Variants in TMEM132D observed in about 807,000 individuals in gnomAD.
TMEM132D encodes mature OL transmembrane protein.
Under a neutral mutation model 62.3 loss-of-function variants are expected in TMEM132D, and 21 were observed. That is an observed-to-expected ratio of 0.34 (90% CI 0.24 to 0.49). TMEM132D has a LOEUF of 0.49. Ranked by LOEUF, TMEM132D falls within the 20% of genes least tolerant of loss-of-function variation. The pLI is 0.99. For synonymous variants in TMEM132D, 621 were observed against 575.6 expected (o/e 1.08, Z -1.13); for missense variants, 1,346 against 1,402.8 (o/e 0.96, Z 0.65).
chr12:129,096,474 T>C (rs980406426), intron 5 of TMEM132D, among the ~76,000 whole-genome samples: 1 of 152,176 alleles, frequency 6.6e-6, no homozygotes, highest in Admixed American at 6.5e-5. Context: ...GAGCAAAGAC[T>C]GGGTGTTCAG....
At chr12:129,714,823 C>A (rs891289803) in intron 1 of TMEM132D, among the ~76,000 whole-genome samples, 1 of 152,208 alleles carries the variant, frequency 6.6e-6, no homozygotes, top group Non-Finnish European at 1.5e-5. Context: ...CGGAAGCCCA[C>A]AGGCCTGCCC....
intron 3 of TMEM132D, among the ~76,000 whole-genome samples, chr12:129,384,574 G>A (rs771335918): frequency 1.3e-5 from 2 of 151,522 alleles, no homozygotes; most frequent in Non-Finnish European, 2.9e-5. Context: ...CTTTAACCAC[G>A]TTCGCATTAT....
intron 3 of TMEM132D, among the ~76,000 whole-genome samples, chr12:129,428,461 T>C (rs1872559798): frequency 6.6e-6 from 1 of 152,240 alleles, no homozygotes; most frequent in African/African-American, 2.4e-5. Flanking sequence ...TTGTGTCTAA[T>C]GTGACACATG....
chr12:129,286,481 TA>T (rs1881299490), intron 4 of TMEM132D, among the ~76,000 whole-genome samples: 1 of 152,166 alleles, frequency 6.6e-6, no homozygotes, highest in African/African-American at 2.4e-5. Flanking sequence ...GAGCACAGTA[TA>T]TGGCTAAATA....
At chr12:129,412,076 A>G (rs1269862915) in intron 3 of TMEM132D, among the ~76,000 whole-genome samples, 1 of 152,210 alleles carries the variant, frequency 6.6e-6, no homozygotes, top group Non-Finnish European at 1.5e-5. Context: ...TGTTAGAACA[A>G]TTAGCCAAGA....
intron 3 of TMEM132D, among the ~76,000 whole-genome samples, chr12:129,497,509 C>T (rs1484926863): frequency 6.6e-6 from 1 of 152,078 alleles, no homozygotes; most frequent in Non-Finnish European, 1.5e-5. Flanking sequence ...CCAGGCACAG[C>T]CATATGGCTG....
Position 129,867,738 on chromosome 12 carries a change from A to T in TMEM132D, c.79+35523T>A, listed in dbSNP as rs557618858. Among the ~76,000 whole-genome samples, 3 of 152,342 alleles carry T rather than the reference A, an allele frequency of 2.0e-5. No homozygotes were observed. The South Asian group carries it at 6.2e-4, about 32-fold the overall frequency. ...AAATTGTACATCTTCAATAGATACA[A>T]TTTTTGTCAATTTTACCTCAATAAA... On this transcript the variant is annotated intron_variant, in intron 1 of 8. Coordinates refer to ENST00000422113, the MANE Select transcript of TMEM132D (RefSeq NM_133448.3). This position sits in a 1 kb window ranked among gnomAD's most constrained non-coding sequence, Gnocchi z 4.5.
At chr12:129,729,965 G>A (rs1869174334) in intron 1 of TMEM132D, among the ~76,000 whole-genome samples, 1 of 151,834 alleles carries the variant, frequency 6.6e-6, no homozygotes, top group Non-Finnish European at 1.5e-5. Context: ...TCCATCCCCT[G>A]CCCGCAAAAA....
At chr12:129,412,636 C>G (rs1387628333) in intron 3 of TMEM132D, among the ~76,000 whole-genome samples, 3 of 152,142 alleles carry the variant, frequency 2.0e-5, no homozygotes, top group African/African-American at 7.2e-5. Context: ...GTGGGCAGAT[C>G]ACTTGATCAG....
At chr12:129,132,591 A>G (rs1269859741) in intron 5 of TMEM132D, among the ~76,000 whole-genome samples, 1 of 152,186 alleles carries the variant, frequency 6.6e-6, no homozygotes, top group Non-Finnish European at 1.5e-5. Context: ...TTTGACTCCA[A>G]TCCCTGCATT....
chr12:129,708,015 G>A (rs1411667889), intron 1 of TMEM132D, among the ~76,000 whole-genome samples: 4 of 152,124 alleles, frequency 2.6e-5, no homozygotes, highest in African/African-American at 7.2e-5. Flanking sequence ...TCCAGAGTTC[G>A]AGACCAGCTT....
At chr12:129,571,433 G>A (rs916568118) in intron 2 of TMEM132D, among the ~76,000 whole-genome samples, 1 of 152,050 alleles carries the variant, frequency 6.6e-6, no homozygotes, top group African/African-American at 2.4e-5. Context: ...TTAGCTAGCC[G>A]TGGTGGCGCA....
chr12:129,773,849 A>T (rs1870835629), intron 1 of TMEM132D, among the ~76,000 whole-genome samples: 1 of 152,174 alleles, frequency 6.6e-6, no homozygotes, highest in Admixed American at 6.5e-5. Context: ...CAGCTCTGCC[A>T]CTTACTTGCC....
chr12:129,576,603 TAC>T (rs140376991), intron 2 of TMEM132D, among the ~76,000 whole-genome samples: 4 of 149,838 alleles, frequency 2.7e-5, no homozygotes, highest in African/African-American at 5.0e-5. Flanking sequence ...ATACATATTA[TAC>T]ACACACACAC....
intron 4 of TMEM132D, among the ~76,000 whole-genome samples, chr12:129,219,629 G>C (rs1879300415): frequency 6.6e-6 from 1 of 152,180 alleles, no homozygotes; most frequent in African/African-American, 2.4e-5. Context: ...GGCACACCTG[G>C]GCCTGCAACT....
rs144783866 is a variant in TMEM132D, at chr12:129,112,436, C to T, written c.1444-27734G>A. Among the ~76,000 whole-genome samples, 27 of 152,240 alleles carry T rather than the reference C, an allele frequency of 1.8e-4. No individual in the cohort carries two copies. In the East Asian group the frequency reaches 2.7e-3, roughly 15 times the overall value. On this transcript the variant is annotated intron_variant, in intron 5 of 8. Coordinates refer to ENST00000422113, the MANE Select transcript of TMEM132D (RefSeq NM_133448.3). The stretch of plus-strand genomic sequence containing the variant: ...CAGCACTTTGGGAGGCCAAGGCGGA[C>T]GGATCATCTGAGGTCGGGAGTTCGA...
chr12:129,667,271 A>G (rs1242853002), intron 2 of TMEM132D, among the ~76,000 whole-genome samples: 1 of 152,234 alleles, frequency 6.6e-6, no homozygotes, highest in Non-Finnish European at 1.5e-5. Context: ...AACTAGCTTT[A>G]ACATCAAAGA....
chr12:129,176,973 C>T (rs1430690430), intron 5 of TMEM132D, among the ~76,000 whole-genome samples: 1 of 152,192 alleles, frequency 6.6e-6, no homozygotes, highest in African/African-American at 2.4e-5. Context: ...AGGACTGCCC[C>T]CAGCCGTCTT....
intron 1 of TMEM132D, among the ~76,000 whole-genome samples, chr12:129,770,301 A>C (rs893291440): frequency 2.0e-5 from 3 of 151,266 alleles, no homozygotes; most frequent in African/African-American, 7.3e-5. Flanking sequence ...ATGCCACCAC[A>C]CCTGGCTAAT....
Sources: allele counts gnomAD v4.1 joint callset (sites outside exome capture counted in the v4.1 genomes callset), GRCh38; gene constraint gnomAD v4.1.1; non-coding constraint Gnocchi (gnomAD v3.1); transcripts MANE v1.5; gene names NCBI Gene and HGNC (gene_info 2026-07-23, HGNC 2026-07-21).